The following PRICKLE1 variants were observed in gnomAD, a reference collection of about 807,000 sequenced individuals.
PRICKLE1 encodes the protein prickle-like protein 1.
PRICKLE1 carries 14 observed loss-of-function variants against 70.2 expected under a neutral mutation model. The ratio of observed to expected loss-of-function variants is 0.20; its 90% CI spans 0.13 to 0.31. The LOEUF (loss-of-function observed/expected upper bound fraction) is 0.31, where lower values mean the gene tolerates loss of function less well. Among genes scored for constraint, PRICKLE1 ranks in the 10% least tolerant of loss-of-function variants. The pLI is 1.00. For missense variants in PRICKLE1, 821 were observed against 1,026.2 expected, an observed-to-expected ratio of 0.80 and a Z score of 2.73; for synonymous variants, 357 against 379.9, an observed-to-expected ratio of 0.94 and a Z score of 0.70.
intron 1 of PRICKLE1, among the ~76,000 whole-genome samples, chr12:42,556,991 G>GT (rs199967853): frequency 0.013 from 1,797 of 143,380 alleles, 21 homozygotes; most frequent in African/African-American, 0.031. Flanking sequence ...CAAAATTTCT[G>GT]TTTTTTTTTT....
chr12:42,470,413 T>G (rs897578913), intron 2 of PRICKLE1, 54 bp from the exon 3 acceptor site: 7 of 1,194,126 alleles, frequency 5.9e-6, no homozygotes, highest in Non-Finnish European at 8.8e-6. Context: ...GCATCTCAGC[T>G]CACTTAATCT....
intron 1 of PRICKLE1, among the ~76,000 whole-genome samples, chr12:42,527,971 A>C (rs1406333527): frequency 1.4e-3 from 11 of 7,826 alleles, no homozygotes; most frequent in African/African-American, 2.9e-3. Context: ...ATATATATAT[A>C]TCTCCAAAGT....
intron 1 of PRICKLE1, among the ~76,000 whole-genome samples, chr12:42,528,293 C>T (rs936912142): frequency 2.0e-5 from 3 of 152,020 alleles, no homozygotes; most frequent in African/African-American, 4.8e-5. Context: ...AGACTGCTCT[C>T]GAACTCCTGG....
At chr12:42,511,046 A>C (rs1593146774) in intron 1 of PRICKLE1, among the ~76,000 whole-genome samples, 1 of 152,256 alleles carries the variant, frequency 6.6e-6, no homozygotes, top group Admixed American at 6.5e-5. Context: ...GGCCCAGCAC[A>C]GGGGATGCCC....
chr12:42,503,965 C>T (rs1939359861), intron 1 of PRICKLE1, among the ~76,000 whole-genome samples: 1 of 152,098 alleles, frequency 6.6e-6, no homozygotes, highest in Non-Finnish European at 1.5e-5. Context: ...TTGAGACCAA[C>T]TTTAGCTTAA....
At position 42,485,254 on chromosome 12, in the gene PRICKLE1, T is replaced by G. The variant is rs1037798661; in HGVS notation, c.-48-12690A>C. On this transcript the variant is annotated intron_variant, in intron 1 of 7. Coordinates refer to ENST00000345127, the MANE Select transcript of PRICKLE1 (RefSeq NM_153026.3). ...CAGCTGAGAAGTTTTTTTTTTTTTTTTTTTTTTTTTTTTTTGTTACTCTCT... is the reference window on the plus strand; with the variant it reads ...CAGCTGAGAAGTTTTTTTTTTTTTTGTTTTTTTTTTTTTTTGTTACTCTCT... 2.1e-3 allele frequency: 309 copies of G among 147,050 alleles called. 3 individuals carry two copies. Among genetic ancestry groups the G allele is most frequent in the African/African-American group, 7.2e-3 (287 of 39,654 alleles). The allele number at this position is 147,050 out of a possible 1,614,324, so 9.1% of individuals were successfully genotyped here. A position where few individuals can be genotyped will look rare whatever the true frequency, so the allele number is the denominator to read the frequency against.
At chr12:42,503,633 C>A (rs1401869105) in intron 1 of PRICKLE1, among the ~76,000 whole-genome samples, 2 of 152,132 alleles carry the variant, frequency 1.3e-5, no homozygotes, top group African/African-American at 4.8e-5. Context: ...CTAAGGAAAG[C>A]ACTAAAGTAA....
chr12:42,471,033 C>A (rs541819793), intron 2 of PRICKLE1, among the ~76,000 whole-genome samples: 17 of 152,284 alleles, frequency 1.1e-4, no homozygotes, highest in African/African-American at 4.1e-4. Context: ...GGTCCAAAAT[C>A]CAGCCACTAC....
intron 1 of PRICKLE1, among the ~76,000 whole-genome samples, chr12:42,473,677 T>C (rs1448322067): frequency 2.6e-5 from 4 of 152,114 alleles, no homozygotes; most frequent in Non-Finnish European, 2.9e-5. Context: ...CCCGACCCAA[T>C]GATTTTAGAG....
intron 1 of PRICKLE1, among the ~76,000 whole-genome samples, chr12:42,486,674 A>G (rs1028996837): frequency 6.6e-6 from 1 of 152,206 alleles, no homozygotes; most frequent in African/African-American, 2.4e-5. Context: ...TGTTGTGTAT[A>G]TAGTGACCCT....
chr12:42,461,302 T>C (rs915703031), intron 7 of PRICKLE1, among the ~76,000 whole-genome samples: 3 of 152,232 alleles, frequency 2.0e-5, no homozygotes, highest in African/African-American at 7.2e-5. Flanking sequence ...TAACATAAGA[T>C]GTAGAAGCTT....
chr12:42,486,881 A>C (rs1184256108), intron 1 of PRICKLE1, among the ~76,000 whole-genome samples: 2 of 152,246 alleles, frequency 1.3e-5, no homozygotes, highest in East Asian at 3.8e-4. Context: ...TGAGAGATCA[A>C]AGGCTCTGAT....
chr12:42,489,235 CTATT>C (rs966150933), intron 1 of PRICKLE1, among the ~76,000 whole-genome samples: 3 of 151,272 alleles, frequency 2.0e-5, no homozygotes, highest in African/African-American at 7.3e-5. Flanking sequence ...ATCTATCTAT[CTATT>C]TGAGATAGGG....
chr12:42,469,623 T>C, intron 3 of PRICKLE1, 36 bp from the exon 4 acceptor site: 1 of 1,612,854 alleles, frequency 6.2e-7, no homozygotes, highest in Non-Finnish European at 8.5e-7. Context: ...CCACACTGAG[T>C]GCACAGTCTT....
At chr12:42,555,461 T>G (rs1372721855) in intron 1 of PRICKLE1, among the ~76,000 whole-genome samples, 3 of 152,206 alleles carry the variant, frequency 2.0e-5, no homozygotes, top group African/African-American at 4.8e-5. Flanking sequence ...AGTTTAGCAA[T>G]GTTTCTTTTC....
chr12:42,516,216 C>T (rs1427684011), intron 1 of PRICKLE1, among the ~76,000 whole-genome samples: 1 of 152,096 alleles, frequency 6.6e-6, no homozygotes, highest in African/African-American at 2.4e-5. Flanking sequence ...ACTGCAAGCC[C>T]CACCTCCCGG....
chr12:42,565,580 T>C (rs1051831955), intron 1 of PRICKLE1, among the ~76,000 whole-genome samples: 1 of 152,172 alleles, frequency 6.6e-6, no homozygotes, highest in African/African-American at 2.4e-5. Flanking sequence ...AAGGGAACTG[T>C]TTCTATGGGT....
At chr12:42,588,654 A>G (rs2120828150) in intron 1 of PRICKLE1, among the ~76,000 whole-genome samples, 1 of 152,224 alleles carries the variant, frequency 6.6e-6, no homozygotes, top group Middle Eastern at 3.4e-3. Context: ...GCAAGCTGGA[A>G]CTAAGCGTGA....
In PRICKLE1 at chr12:42,587,949, T is replaced by C. The variant is rs559812876; in HGVS notation, c.-49+1516A>G. ...TTGCTGTCATGGGATTTTTTTTTGT[T>C]TTTTTTTTCCTTTCTAGAGTCTGAA... On this transcript the variant is annotated intron_variant, in intron 1 of 7. Coordinates refer to ENST00000345127, the MANE Select transcript of PRICKLE1 (RefSeq NM_153026.3). 6.6e-5 allele frequency among the ~76,000 whole-genome samples: 10 copies of C among 151,384 alleles called. No homozygotes were observed. The South Asian group carries it at 2.1e-3, about 32-fold the overall frequency.
Sources: gnomAD v4.1 joint callset for allele counts (sites outside exome capture counted in the v4.1 genomes callset) on GRCh38, gnomAD v4.1.1 for gene constraint, MANE v1.5 for transcripts, NCBI Gene and HGNC (gene_info 2026-07-23, HGNC 2026-07-21) for gene names.